The following ADAMTSL1 variants were observed in gnomAD, a reference collection of about 807,000 sequenced individuals.
ADAMTSL1 encodes ADAMTS like 1, also known as ADAMTS-like protein 1.
A neutral mutation model predicts 201.8 loss-of-function variants in ADAMTSL1; 126 were observed. The ratio of observed to expected loss-of-function variants is 0.62; its 90% CI spans 0.54 to 0.72. The LOEUF (loss-of-function observed/expected upper bound fraction) is 0.72. Ranked by LOEUF, ADAMTSL1 falls within the 30% of genes least tolerant of loss-of-function variation. The probability of loss-of-function intolerance (pLI) is 0.00; values close to 1 mark genes in which losing one functional copy is unlikely to be tolerated. For missense variants in ADAMTSL1, 2,679 were observed against 2,277.8 expected, an observed-to-expected ratio of 1.18 and a Z score of -3.59; for synonymous variants, 1,121 against 903.4, an observed-to-expected ratio of 1.24 and a Z score of -4.32.
intron 2 of ADAMTSL1, among the ~76,000 whole-genome samples, chr9:18,172,016 A>G (rs541364977): frequency 6.6e-6 from 1 of 151,918 alleles, no homozygotes; most frequent in Admixed American, 6.6e-5. Context: ...TTCACACCTA[A>G]CTAACACAAG....
At chr9:18,727,514 T>C (rs1341867470) in intron 15 of ADAMTSL1, among the ~76,000 whole-genome samples, 1 of 152,232 alleles carries the variant, frequency 6.6e-6, no homozygotes, top group Non-Finnish European at 1.5e-5. Flanking sequence ...GAATCTGCCA[T>C]AGCCTGTTCC....
chr9:18,181,398 G>A (rs1308058377), intron 2 of ADAMTSL1, among the ~76,000 whole-genome samples: 1 of 151,954 alleles, frequency 6.6e-6, no homozygotes, highest in Non-Finnish European at 1.5e-5. Context: ...CTGACCAAGG[G>A]GTAATATCCA....
At chr9:18,523,174 C>A (rs1818808474) in intron 2 of ADAMTSL1, among the ~76,000 whole-genome samples, 1 of 152,156 alleles carries the variant, frequency 6.6e-6, no homozygotes, top group African/African-American at 2.4e-5. Context: ...TTTTGATTTG[C>A]ATTTCTCTGA....
chr9:18,461,855 T>C (rs1280348930), intron 2 of ADAMTSL1, among the ~76,000 whole-genome samples: 2 of 152,088 alleles, frequency 1.3e-5, no homozygotes, highest in African/African-American at 4.8e-5. Flanking sequence ...ATGGGGGAGA[T>C]TGGTTCCAGG....
chr9:18,187,745 G>A (rs908425407), intron 2 of ADAMTSL1, among the ~76,000 whole-genome samples: 7 of 151,882 alleles, frequency 4.6e-5, no homozygotes, highest in African/African-American at 1.7e-4. Flanking sequence ...AGGAAGGATG[G>A]CAGAAAAAAA....
chr9:18,156,240 A>G (rs1011063682), intron 1 of ADAMTSL1, among the ~76,000 whole-genome samples: 1 of 152,032 alleles, frequency 6.6e-6, no homozygotes, highest in African/African-American at 2.4e-5. Context: ...TCTTTTGGTT[A>G]AGATAACAGA....
At chr9:18,074,094 T>C (rs1383962513) in intron 1 of ADAMTSL1, among the ~76,000 whole-genome samples, 1 of 152,160 alleles carries the variant, frequency 6.6e-6, no homozygotes, top group Non-Finnish European at 1.5e-5. Flanking sequence ...AAGAACTCCT[T>C]ACGCTTTGAG....
chr9:18,807,633 G>A lies in ADAMTSL1; in HGVS notation c.3806-9476G>A, dbSNP rs374643198. ...TGCACTCCAGCCAGGGCGACAGAGCGAGACTCTGTCTCAAAAAAAAAAAAA... is the reference window on the plus strand; with the variant it reads ...TGCACTCCAGCCAGGGCGACAGAGCAAGACTCTGTCTCAAAAAAAAAAAAA... On this transcript the variant is annotated intron_variant, in intron 20 of 28. Coordinates refer to ENST00000380548, the MANE Select transcript of ADAMTSL1 (RefSeq NM_001040272.6). 1.1e-4 allele frequency among the ~76,000 whole-genome samples: 15 copies of A among 141,124 alleles called. No individual in the cohort carries two copies. The East Asian group carries it at 2.8e-3, about 26-fold the overall frequency. The allele number at this position is 141,124 out of a possible 152,430, so 92.6% of individuals were successfully genotyped here. A position where few individuals can be genotyped will look rare whatever the true frequency, so the allele number is the denominator to read the frequency against.
chr9:18,541,639 G>A (rs1820155686), intron 3 of ADAMTSL1, among the ~76,000 whole-genome samples: 1 of 152,116 alleles, frequency 6.6e-6, no homozygotes, highest in Non-Finnish European at 1.5e-5. Flanking sequence ...AAGAACATGG[G>A]CCCTCTTGAA....
chr9:18,238,143 T>C (rs773533917), intron 2 of ADAMTSL1, among the ~76,000 whole-genome samples: 6 of 152,246 alleles, frequency 3.9e-5, no homozygotes, highest in Non-Finnish European at 8.8e-5. Context: ...TTGCCTTTCA[T>C]GGAGTAACTG....
intron 15 of ADAMTSL1, among the ~76,000 whole-genome samples, chr9:18,740,625 C>A (rs952300925): frequency 6.6e-6 from 1 of 151,820 alleles, no homozygotes; most frequent in Admixed American, 6.6e-5. Context: ...TACAGGCACA[C>A]AACACCAAGC....
In ADAMTSL1 at chr9:17,909,905, G is replaced by A. The variant is rs199514710; in HGVS notation, c.87+2983G>A. On this transcript the variant is annotated intron_variant, in intron 1 of 29. Transcript: ENST00000680146. ...TAGATGAGGAGTTAGTGGGTGCAGC[G>A]CACCAGCATGGCACATGTATACATA... Among the ~76,000 whole-genome samples, 24 of 65,832 alleles carry A rather than the reference G, an allele frequency of 3.6e-4. 6 individuals carry two copies. Among genetic ancestry groups the A allele is most frequent in the Admixed American group, 5.5e-4 (3 of 5,418 alleles). 43.2% of individuals were successfully genotyped at this position (65,832 alleles called of 152,430 possible). A position where few individuals can be genotyped will look rare whatever the true frequency, so the allele number is the denominator to read the frequency against.
At chr9:18,694,117 G>A (rs765055929) in intron 13 of ADAMTSL1, among the ~76,000 whole-genome samples, 11 of 152,216 alleles carry the variant, frequency 7.2e-5, no homozygotes, top group South Asian at 4.2e-4. Flanking sequence ...ACCAGATCTC[G>A]TGAGAACTCA....
In ADAMTSL1 at chr9:18,852,029, G is replaced by A. The variant is rs1978747; in HGVS notation, c.4249+22052G>A. ...TGCCTGACCATCACCTAATGGTTGC[G>A]TGACATTGCTGAAGGGGTGCCCTCT... On this transcript the variant is annotated intron_variant, in intron 23 of 28. Coordinates refer to ENST00000380548, the MANE Select transcript of ADAMTSL1 (RefSeq NM_001040272.6). Among the ~76,000 whole-genome samples the A allele has an allele frequency of 4.6e-5, 7 of 152,074 alleles. 1 individual carries two copies. In the South Asian group the frequency reaches 6.2e-4, roughly 14 times the overall value.
At chr9:18,699,092 A>G (rs1831759931) in intron 13 of ADAMTSL1, among the ~76,000 whole-genome samples, 1 of 152,188 alleles carries the variant, frequency 6.6e-6, no homozygotes, top group Non-Finnish European at 1.5e-5. Flanking sequence ...CCTCTAGCAT[A>G]AAGTCTCTTT....
intron 4 of ADAMTSL1, among the ~76,000 whole-genome samples, chr9:18,612,038 A>G (rs927589884): frequency 6.6e-6 from 1 of 152,216 alleles, no homozygotes; most frequent in African/African-American, 2.4e-5. Context: ...TCAGTAGATC[A>G]AGTACAAAGT....
At chr9:18,598,653 A>G (rs1449403884) in intron 4 of ADAMTSL1, among the ~76,000 whole-genome samples, 1 of 152,126 alleles carries the variant, frequency 6.6e-6, no homozygotes, top group Non-Finnish European at 1.5e-5. Context: ...CAACAATGCA[A>G]CATTCCAAAA....
Position 17,984,265 on chromosome 9 carries a change from C to A in ADAMTSL1, c.87+77343C>A, listed in dbSNP as rs116187805. Among the ~76,000 whole-genome samples, 371 of 152,126 alleles carry A rather than the reference C, an allele frequency of 2.4e-3. 3 individuals are homozygous for A. Among genetic ancestry groups the A allele is most frequent in the African/African-American group, 8.5e-3 (351 of 41,526 alleles). ...AAGATGTAAGGAATGAAGTAAATTT[C>A]ATACTCTCAGCACCCAGATTATGAT... On this transcript the variant is annotated intron_variant, in intron 1 of 29. Coordinates refer to the ADAMTSL1 transcript ENST00000680146.
chr9:18,130,600 G>C (rs796833847), intron 1 of ADAMTSL1, among the ~76,000 whole-genome samples: 9 of 152,250 alleles, frequency 5.9e-5, no homozygotes, highest in African/African-American at 1.9e-4. Flanking sequence ...AGAGAAGCTA[G>C]CAGGTTTTTA....
Sources: gnomAD v4.1 joint callset for allele counts (sites outside exome capture counted in the v4.1 genomes callset) on GRCh38, gnomAD v4.1.1 for gene constraint, MANE v1.5 for transcripts, NCBI Gene and HGNC (gene_info 2026-07-23, HGNC 2026-07-21) for gene names.